The following DSP variants were observed in gnomAD, a reference collection of about 807,000 sequenced individuals.
DSP encodes the protein 250/210 kDa paraneoplastic pemphigus antigen.
In DSP, 114 loss-of-function variants were observed where a neutral mutation model predicts 290.6. That is an observed-to-expected ratio of 0.39 (90% CI 0.34 to 0.46). DSP has a LOEUF of 0.46. Ranked by LOEUF, DSP falls within the 20% of genes least tolerant of loss-of-function variation. The probability of loss-of-function intolerance (pLI) is 0.99; values close to 1 mark genes in which losing one functional copy is unlikely to be tolerated. For synonymous variants in DSP, 1,311 were observed against 1,316.4 expected, an observed-to-expected ratio of 1.00 and a Z score of 0.09; for missense variants, 3,230 against 3,495.8, an observed-to-expected ratio of 0.92 and a Z score of 1.92.
chr6:7,581,610 A>C, intron 23 of DSP, 41 bp downstream of exon 23: 1 of 1,607,290 alleles, frequency 6.2e-7, no homozygotes, highest in Non-Finnish European at 8.5e-7. Flanking sequence ...TGTTTCTCAA[A>C]TTATTCATCA....
chr6:7,555,594 A>G lies in DSP; in HGVS notation c.171-124A>G. 5.3e-6 allele frequency: 4 copies of G among 758,518 alleles called. No homozygotes were observed. The South Asian group carries it at 5.9e-5, about 11-fold the overall frequency. The allele number at this position is 758,518 out of a possible 1,614,324, so 47.0% of individuals were successfully genotyped here. A position where few individuals can be genotyped will look rare whatever the true frequency, so the allele number is the denominator to read the frequency against. ...ACACAACAAAATGTTAACAATTGGG[A>G]TTCCGGGTAAAGGGTCTCACAGGAG... On this transcript the variant is annotated intron_variant, in intron 1 of 23. Coordinates refer to ENST00000379802, the MANE Select transcript of DSP (RefSeq NM_004415.4).
At position 7,571,430 on chromosome 6, in the gene DSP, T is replaced by C. The variant is rs1060503981; in HGVS notation, c.1749T>C (p.Leu583=). The C allele has an allele frequency of 6.2e-7, 1 of 1,613,012 alleles. No homozygotes were observed. The highest frequency in any genetic ancestry group is 1.3e-5 in the African/African-American group (1 of 74,890). ...ATTACATGAAGACGATAGCCGACCT[T>C]GAGTTACATTACCAAGAGTTCATCA... The part of the protein sequence containing the change: ...QEDYMKTIAD[L]ELHYQEFIRN... The change falls in exon 14 of 24, where the codon CTT becomes CTC. Residue 583 remains leucine, a synonymous_variant. Coordinates refer to ENST00000379802, the MANE Select transcript of DSP (RefSeq NM_004415.4).
intron 4 of DSP, among the ~76,000 whole-genome samples, chr6:7,561,126 C>T (rs2757630): frequency 0.46 from 70,486 of 151,764 alleles, 18,153 homozygotes; most frequent in African/African-American, 0.67. Flanking sequence ...TGATTTTTTG[C>T]ATTTTTAGTA....
At chr6:7,542,297 G>C (rs1581778256) in intron 1 of DSP, among the ~76,000 whole-genome samples, 1 of 152,264 alleles carries the variant, frequency 6.6e-6, no homozygotes, top group South Asian at 2.1e-4. Context: ...CAGGGACTCG[G>C]TCGTACCTTT....
intron 2 of DSP, among the ~76,000 whole-genome samples, chr6:7,556,669 A>G (rs1269715366): frequency 6.6e-6 from 1 of 152,196 alleles, no homozygotes; most frequent in Non-Finnish European, 1.5e-5. Flanking sequence ...TAACATTTTA[A>G]TATTCTAATT....
intron 14 of DSP, 120 bp downstream of exon 14, chr6:7,571,704 G>A (rs1251079917): frequency 3.4e-5 from 51 of 1,496,232 alleles, no homozygotes; most frequent in South Asian, 5.7e-5. Flanking sequence ...AGTGTTCTTC[G>A]TGCACTAAAT....
In DSP at chr6:7,582,998, G is replaced by T. The variant is rs371873840; in HGVS notation, c.5736G>T (p.Arg1912Ser). Residue 1912 changes from arginine to serine, a missense_variant, in exon 24 of 24, where the codon AGG (arginine) becomes AGT (serine). Transcript: ENST00000379802. This position sits in a 1 kb window ranked among gnomAD's most constrained non-coding sequence, Gnocchi z 4.2. The stretch of plus-strand genomic sequence containing the variant: ...CAGAGATCAAGAGAATTGAAGAGAG[G>T]TGCAGGCGTAAGCTGGAGGATTCTA... ...LQAEIKRIEE[R>S]CRRKLEDSTR... The T allele has an allele frequency of 6.8e-6, 11 of 1,613,954 alleles. No individual in the cohort carries two copies. The highest frequency in any genetic ancestry group is 1.3e-5 in the African/African-American group (1 of 74,884).
intron 1 of DSP, among the ~76,000 whole-genome samples, chr6:7,544,367 G>A (rs1758110616): frequency 6.6e-6 from 1 of 152,208 alleles, no homozygotes; most frequent in Admixed American, 6.5e-5. Flanking sequence ...GAAGCAGGGT[G>A]CCCTCTGTGC....
intron 21 of DSP, 75 bp from the exon 22 acceptor site, chr6:7,578,389 C>T (rs1759312500): frequency 2.4e-6 from 3 of 1,255,904 alleles, no homozygotes; most frequent in Admixed American, 3.5e-5. Flanking sequence ...TTTTAGAAAA[C>T]AAAATCGGTC....
At position 7,576,953 on chromosome 6, in the gene DSP, G is replaced by A. The variant is rs397516925; in HGVS notation, c.2794-6G>A. 3.7e-6 allele frequency: 6 copies of A among 1,611,910 alleles called. No individual in the cohort carries two copies. In the South Asian group the frequency reaches 6.6e-5, roughly 18 times the overall value. On this transcript the variant is annotated splice_region_variant and splice_polypyrimidine_tract_variant and intron_variant, in intron 19 of 23. Coordinates refer to ENST00000379802, the MANE Select transcript of DSP (RefSeq NM_004415.4). ...AACATTGGTAAATATTTCACTTTTT[G>A]TATAGAACTTGCACAGTGAAATATC...
In DSP at chr6:7,541,709, TCCCGCTCCTGCC is replaced by T. The variant is rs1325167295; in HGVS notation, c.-202_-191del. ...GCCGCCCTCCGAGCCACAGCTTTCC[TCCCGCTCCTGCC>T]CCCGGCCCGTCGCCGTCTCCGCGCT... is the stretch of plus-strand genomic sequence containing the variant. On this transcript the variant is annotated 5_prime_UTR_variant, in exon 1 of 24. Coordinates refer to ENST00000379802, the MANE Select transcript of DSP (RefSeq NM_004415.4). 1 of 613,766 alleles carries T rather than the reference TCCCGCTCCTGCC, an allele frequency of 1.6e-6. No homozygotes were observed. Among genetic ancestry groups the T allele is most frequent in the African/African-American group, 2.0e-5 (1 of 50,552 alleles). The allele number at this position is 613,766 out of a possible 1,614,324, so 38.0% of individuals were successfully genotyped here.
At chr6:7,551,414 G>A (rs1028465094) in intron 1 of DSP, among the ~76,000 whole-genome samples, 1 of 152,068 alleles carries the variant, frequency 6.6e-6, no homozygotes, top group African/African-American at 2.4e-5. Flanking sequence ...ATCCCTTGAG[G>A]TCAGGAGTTT....
rs1759417851 is a variant in DSP at position 7,580,989 on chromosome 6, G to A, written c.4799G>A (p.Gly1600Asp). Residue 1600 changes from glycine (G) to aspartate (D), a missense_variant, in exon 23 of 24, where the codon GGC becomes GAC. This residue lies in a region of DSP where 1,714 missense variants were observed against 1,844.5 expected (regional missense o/e 0.93). Transcript: ENST00000379802. The surrounding 1 kb of genome is among the most constrained non-coding windows in gnomAD (Gnocchi z 4.2). ...KRKKLEEELE[G>D]MRRSLKEQAI... ...AAGAAGCTGGAGGAAGAGCTGGAAG[G>A]CATGAGGAGGTCGCTGAAGGAGCAA... 1 of 1,614,036 alleles carries A rather than the reference G, an allele frequency of 6.2e-7. No homozygotes were observed. Among genetic ancestry groups the A allele is most frequent in the Non-Finnish European group, 8.5e-7 (1 of 1,179,998 alleles).
chr6:7,570,529 AC>A lies in DSP; in HGVS notation c.1668del (p.Asp556GlufsTer2), dbSNP rs760416507. ...GTGTCCTGGCACTACTGCATGATTG[AC>A]ATAGAGAAGATCAGGGCCATGACAA... The part of the protein sequence containing the change: ...SLVSWHYCMI[D>X]IEKIRAMTIA... On this transcript the variant is annotated frameshift_variant, in exon 13 of 24. Transcript: ENST00000379802. LOFTEE classifies it high-confidence loss of function. The A allele has an allele frequency of 1.2e-6, 2 of 1,613,884 alleles. No individual in the cohort carries two copies. The highest frequency in any genetic ancestry group is 2.2e-5 in the South Asian group (2 of 91,058).
intron 6 of DSP, among the ~76,000 whole-genome samples, chr6:7,564,919 C>T (rs752834489): frequency 1.3e-5 from 2 of 152,042 alleles, no homozygotes; most frequent in African/African-American, 2.4e-5. Context: ...CCGAGGTGGG[C>T]GGATCATCTG....
chr6:7,542,043 C>G lies in DSP; in HGVS notation c.128C>G (p.Ser43Cys). Residue 43 changes from serine (S) to cysteine (C), a missense_variant, in exon 1 of 24, where the codon TCT (serine) becomes TGT (cysteine). By Grantham distance (112) the Ser-to-Cys change is moderately radical (BLOSUM62 -1). Coordinates refer to ENST00000379802, the MANE Select transcript of DSP (RefSeq NM_004415.4). ...GGGGGCACCAGCAGGATGTACTATT[C>G]TCGGCGCGGCGTGATCACCGACCAG... is the stretch of plus-strand genomic sequence containing the variant. ...GGGGTSRMYY[S>C]RRGVITDQNS... The G allele has an allele frequency of 6.4e-7, 1 of 1,574,156 alleles. No homozygotes were observed. Among genetic ancestry groups the G allele is most frequent in the Non-Finnish European group, 8.6e-7 (1 of 1,160,420 alleles).
intron 23 of DSP, 36 bp downstream of exon 23, chr6:7,581,605 C>T (rs1279297661): frequency 9.9e-6 from 16 of 1,608,412 alleles, no homozygotes; most frequent in Non-Finnish European, 1.1e-5. Context: ...TTCACTGTTT[C>T]TCAAATTATT....
At position 7,583,186 on chromosome 6, in the gene DSP, T is replaced by C. The variant is rs1759505693; in HGVS notation, c.5924T>C (p.Val1975Ala). The C allele has an allele frequency of 1.9e-6, 3 of 1,614,010 alleles. No homozygotes were observed. Among genetic ancestry groups the C allele is most frequent in the Non-Finnish European group, 2.5e-6 (3 of 1,179,992 alleles). The change falls in exon 24 of 24, where the codon GTG becomes GCG. Residue 1975 changes from valine to alanine, a missense_variant. Coordinates refer to ENST00000379802, the MANE Select transcript of DSP (RefSeq NM_004415.4). This position sits in a 1 kb window ranked among gnomAD's most constrained non-coding sequence, Gnocchi z 4.0. ...KLVFDGLRKK[V>A]TAMQLYECQL... Reference sequence around the variant, plus strand: ...GTGTTTGATGGGCTGAGGAAGAAGGTGACAGCAATGCAGCTCTATGAGTGT... The same window carrying C: ...GTGTTTGATGGGCTGAGGAAGAAGGCGACAGCAATGCAGCTCTATGAGTGT...
chr6:7,575,154 C>A (rs1759196149), intron 17 of DSP, 141 bp from the exon 18 acceptor site: 1 of 804,294 alleles, frequency 1.2e-6, no homozygotes, highest in Non-Finnish European at 2.0e-6. Flanking sequence ...AAATATATTT[C>A]CCTGGATTGA....
Sources: gnomAD v4.1 joint callset for allele counts (sites outside exome capture counted in the v4.1 genomes callset) on GRCh38, gnomAD v4.1.1 for gene constraint, gnomAD v4.1.1 regional missense constraint, Gnocchi (gnomAD v3.1) non-coding constraint, MANE v1.5 for transcripts, NCBI Gene and HGNC (gene_info 2026-07-23, HGNC 2026-07-21) for gene names.